Variants in TBC1D19 observed in about 807,000 individuals in gnomAD.
The protein encoded by TBC1D19 is TBC1 domain family member 19, also known as TBC1 domain family, member 19.
In TBC1D19, 60 loss-of-function variants were observed where a neutral mutation model predicts 89.0. That is an observed-to-expected ratio of 0.67 (90% confidence interval 0.55 to 0.84). The LOEUF (loss-of-function observed/expected upper bound fraction) is 0.84. Ranked by LOEUF, TBC1D19 falls within the 40% of genes least tolerant of loss-of-function variation. The pLI is 0.00. For missense variants in TBC1D19, 500 were observed against 610.8 expected (o/e 0.82, Z 1.91); for synonymous variants, 189 against 199.7 (o/e 0.95, Z 0.45).
intron 7 of TBC1D19, among the ~76,000 whole-genome samples, chr4:26,647,617 A>G (rs1338921488): frequency 6.6e-6 from 1 of 152,114 alleles, no homozygotes; most frequent in Non-Finnish European, 1.5e-5. Flanking sequence ...CTACTTATTA[A>G]ATAAAAGCCC....
intron 15 of TBC1D19, among the ~76,000 whole-genome samples, chr4:26,720,687 T>C (rs986547686): frequency 3.3e-5 from 5 of 152,094 alleles, no homozygotes; most frequent in African/African-American, 1.2e-4. Flanking sequence ...GCAGTCCTTA[T>C]GATAATATTA....
rs1391528960 is a variant in TBC1D19 at position 26,736,030 on chromosome 4, GC to G, written c.1117+545del. Among the ~76,000 whole-genome samples, 316 of 142,354 alleles carry G rather than the reference GC, an allele frequency of 2.2e-3. 2 individuals are homozygous for G. The highest frequency in any genetic ancestry group is 7.3e-3 in the African/African-American group (284 of 39,070). 93.4% of individuals were successfully genotyped at this position (142,354 alleles called of 152,430 possible). ...AGAACTAGAAATACCATTTGACCCA[GC>G]CATCCCATTACTGGGTATATACCCA... On this transcript the variant is annotated intron_variant, in intron 16 of 20. Transcript: ENST00000264866.
chr4:26,589,167 CG>C (rs1739609968), intron 1 of TBC1D19, among the ~76,000 whole-genome samples: 2 of 151,958 alleles, frequency 1.3e-5, no homozygotes, highest in African/African-American at 4.8e-5. Context: ...CCCAACTACT[CG>C]GGAAGCTGAG....
intron 4 of TBC1D19, among the ~76,000 whole-genome samples, chr4:26,623,258 A>G (rs193196615): frequency 6.5e-4 from 99 of 152,252 alleles, no homozygotes; most frequent in Non-Finnish European, 4.7e-4. Flanking sequence ...CTCTTCTCCC[A>G]AACTTTTGAC....
At chr4:26,706,712 A>C (rs905231518) in intron 13 of TBC1D19, among the ~76,000 whole-genome samples, 1 of 152,042 alleles carries the variant, frequency 6.6e-6, no homozygotes, top group Non-Finnish European at 1.5e-5. Context: ...TGAATCCCGT[A>C]AGTTTTGATA....
upstream of TBC1D19, among the ~76,000 whole-genome samples, chr4:26,583,596 C>T (rs576086505): frequency 2.1e-4 from 32 of 152,192 alleles, no homozygotes; most frequent in African/African-American, 6.3e-4. Context: ...AGAATAGAAA[C>T]GAGAGAAAAT....
At chr4:26,677,832 G>T (rs1712973799) in intron 11 of TBC1D19, among the ~76,000 whole-genome samples, 2 of 152,192 alleles carry the variant, frequency 1.3e-5, no homozygotes, top group Non-Finnish European at 2.9e-5. Flanking sequence ...GCCCTGTGAA[G>T]AGGTGCCTTC....
intron 15 of TBC1D19, among the ~76,000 whole-genome samples, chr4:26,733,051 A>C (rs1341049332): frequency 6.6e-6 from 1 of 152,220 alleles, no homozygotes; most frequent in Non-Finnish European, 1.5e-5. Flanking sequence ...AAAATTCAGC[A>C]GAAGTTGGAG....
At chr4:26,786,460 C>T in the TBC1D19 span, among the ~76,000 whole-genome samples, 1 of 152,080 alleles carries the variant, frequency 6.6e-6, no homozygotes, top group Admixed American at 6.6e-5. Context: ...CGGTGAAACC[C>T]CATCTCTACT....
At chr4:26,665,124 T>C (rs1336521919) in intron 8 of TBC1D19, among the ~76,000 whole-genome samples, 1 of 152,068 alleles carries the variant, frequency 6.6e-6, no homozygotes, top group Non-Finnish European at 1.5e-5. Flanking sequence ...CATCAGAACA[T>C]GGGCTAGCAG....
At chr4:26,579,864 A>G (rs1739034822), upstream of TBC1D19, among the ~76,000 whole-genome samples, 1 of 152,194 alleles carries the variant, frequency 6.6e-6, no homozygotes, top group South Asian at 2.1e-4. Context: ...TTGGAATTGC[A>G]GCAGCCATCT....
intron 5 of TBC1D19, 120 bp downstream of exon 5, chr4:26,637,405 C>A: frequency 1.3e-6 from 1 of 797,854 alleles, no homozygotes; most frequent in Non-Finnish European, 1.9e-6. Flanking sequence ...CAGAGTCTTG[C>A]TCTGTCACCC....
the TBC1D19 span, among the ~76,000 whole-genome samples, chr4:26,847,152 T>C: frequency 1.3e-5 from 2 of 152,202 alleles, no homozygotes; most frequent in African/African-American, 4.8e-5. Context: ...TGAATGCCTA[T>C]GCTACCACAC....
intron 7 of TBC1D19, among the ~76,000 whole-genome samples, chr4:26,640,882 A>G (rs113897991): frequency 2.6e-5 from 4 of 152,310 alleles, no homozygotes; most frequent in African/African-American, 9.6e-5. Flanking sequence ...TGAGTAGGTA[A>G]ACAAAGTGGC....
the TBC1D19 span, among the ~76,000 whole-genome samples, chr4:26,788,985 A>G: frequency 6.6e-6 from 1 of 152,170 alleles, no homozygotes; most frequent in Admixed American, 6.5e-5. Flanking sequence ...GCTGGAAGTC[A>G]TTGTTACCTT....
intron 7 of TBC1D19, among the ~76,000 whole-genome samples, chr4:26,644,565 C>T (rs780835789): frequency 2.6e-5 from 4 of 152,172 alleles, no homozygotes; most frequent in Non-Finnish European, 5.9e-5. Flanking sequence ...GTTGGAAGTT[C>T]TGGCCATGGC....
At chr4:26,766,321 T>A in the TBC1D19 span, among the ~76,000 whole-genome samples, 1 of 152,180 alleles carries the variant, frequency 6.6e-6, no homozygotes, top group African/African-American at 2.4e-5. Context: ...TGGAGCACTG[T>A]ATGAGGAACA....
rs149766791 is a variant in TBC1D19 at position 26,723,416 on chromosome 4, G to A, written c.1084+3291G>A. On this transcript the variant is annotated intron_variant, in intron 15 of 20. Transcript: ENST00000264866. ...TGTTGTGGCTTTCTTGGTCTCAGGGGACCACACATAGAGGTTAGCCTGCAG... is the reference window on the plus strand; with the variant it reads ...TGTTGTGGCTTTCTTGGTCTCAGGGAACCACACATAGAGGTTAGCCTGCAG... 1.2e-3 allele frequency among the ~76,000 whole-genome samples: 176 copies of A among 152,188 alleles called. 2 individuals carry two copies. In the East Asian group the frequency reaches 0.029, roughly 25 times the overall value.
chr4:26,716,889 T>C (rs894515805), intron 13 of TBC1D19, among the ~76,000 whole-genome samples: 2 of 152,052 alleles, frequency 1.3e-5, no homozygotes, highest in Non-Finnish European at 2.9e-5. Flanking sequence ...CAAGTGATCC[T>C]CCTGCCTTGG....
Sources: allele counts gnomAD v4.1 joint callset (sites outside exome capture counted in the v4.1 genomes callset), GRCh38; gene constraint gnomAD v4.1.1; transcripts MANE v1.5; gene names NCBI Gene and HGNC (gene_info 2026-07-23, HGNC 2026-07-21).